Variants in KAZN observed in about 807,000 individuals in gnomAD.
The protein encoded by KAZN is kazrin, periplakin interacting protein.
KAZN carries 40 observed loss-of-function variants against 87.4 expected under a neutral mutation model. The observed-to-expected ratio is 0.46, with a 90% confidence interval of 0.36 to 0.60. The LOEUF (loss-of-function observed/expected upper bound fraction) is 0.60. Among genes scored for constraint, KAZN ranks in the 20% least tolerant of loss-of-function variants. KAZN has a pLI of 0.00. For synonymous variants in KAZN, 466 were observed against 458.3 expected, an observed-to-expected ratio of 1.02 and a Z score of -0.22; for missense variants, 898 against 1,073.9, an observed-to-expected ratio of 0.84 and a Z score of 2.29.
At chr1:14,859,961 C>T (rs1354044392) in intron 1 of KAZN, among the ~76,000 whole-genome samples, 1 of 152,168 alleles carries the variant, frequency 6.6e-6, no homozygotes, top group Non-Finnish European at 1.5e-5. Flanking sequence ...CCAGACAGGG[C>T]TGCTGCTGCT....
intron 2 of KAZN, among the ~76,000 whole-genome samples, chr1:14,188,436 T>C (rs947147171): frequency 1.3e-5 from 2 of 152,128 alleles, no homozygotes; most frequent in Non-Finnish European, 2.9e-5. Flanking sequence ...GAGGATCCTT[T>C]AATCCTTTGC....
intron 1 of KAZN, among the ~76,000 whole-genome samples, chr1:14,960,419 ACT>A (rs987283711): frequency 2.6e-5 from 4 of 152,108 alleles, no homozygotes; most frequent in African/African-American, 9.7e-5. Context: ...CAGAGCGGAC[ACT>A]CTGAGTGCAG....
chr1:14,241,807 A>C (rs1170481885), intron 2 of KAZN, among the ~76,000 whole-genome samples: 1 of 152,246 alleles, frequency 6.6e-6, no homozygotes, highest in Non-Finnish European at 1.5e-5. Context: ...GTGTCAGAAA[A>C]TAAAAGAAGT....
chr1:14,213,371 A>C (rs185119191), intron 2 of KAZN, among the ~76,000 whole-genome samples: 1 of 152,208 alleles, frequency 6.6e-6, no homozygotes, highest in Non-Finnish European at 1.5e-5. Context: ...ATATGATGGA[A>C]TATGCCACTG....
chr1:14,205,192 A>G (rs557405708), intron 2 of KAZN, among the ~76,000 whole-genome samples: 19 of 152,178 alleles, frequency 1.2e-4, no homozygotes, highest in Non-Finnish European at 2.8e-4. Context: ...AAGTCTCATG[A>G]CTGTAATAAG....
At chr1:14,924,081 C>T (rs1385432314) in intron 1 of KAZN, 2 of 959,922 alleles carry the variant, frequency 2.1e-6, no homozygotes, top group Non-Finnish European at 2.5e-6. Context: ...GGGCGAGCCT[C>T]GGCAGTCGCC....
intron 1 of KAZN, among the ~76,000 whole-genome samples, chr1:14,806,867 T>C (rs146230942): frequency 2.0e-5 from 3 of 152,296 alleles, no homozygotes; most frequent in Non-Finnish European, 4.4e-5. Flanking sequence ...TGCAGGAGCA[T>C]GTGGAATATA....
At chr1:14,369,165 A>G (rs2101008510) in intron 2 of KAZN, among the ~76,000 whole-genome samples, 1 of 152,338 alleles carries the variant, frequency 6.6e-6, no homozygotes, top group African/African-American at 2.4e-5. Context: ...TAAATGCAAA[A>G]TAAGAGATCC....
At chr1:14,565,298 C>T (rs936535663) in intron 2 of KAZN, among the ~76,000 whole-genome samples, 2 of 152,140 alleles carry the variant, frequency 1.3e-5, no homozygotes, top group African/African-American at 4.8e-5. Flanking sequence ...GTTTGTTTCC[C>T]AGTGCATATA....
intron 2 of KAZN, among the ~76,000 whole-genome samples, chr1:14,994,831 A>G (rs1010310473): frequency 6.6e-6 from 1 of 152,246 alleles, no homozygotes; most frequent in African/African-American, 2.4e-5. Context: ...TAAGAGGAAC[A>G]TGAGGATTGA....
Position 15,081,261 on chromosome 1 carries a change from C to T in KAZN, c.1223-12919C>T, listed in dbSNP as rs1639991679. Among the ~76,000 whole-genome samples, 1 of 152,202 alleles carries T rather than the reference C, an allele frequency of 6.6e-6. No individual in the cohort carries two copies. Among genetic ancestry groups the T allele is most frequent in the African/African-American group, 2.4e-5 (1 of 41,448 alleles). ...ACGGATGGCTCTCTTCCCAACTCCACGTCCAGTGACAGCCTGCCGGTCACT... is the reference window on the plus strand; with the variant it reads ...ACGGATGGCTCTCTTCCCAACTCCATGTCCAGTGACAGCCTGCCGGTCACT... On this transcript the variant is annotated intron_variant, in intron 8 of 14. Transcript: ENST00000376030. This position sits in a 1 kb window ranked among gnomAD's most constrained non-coding sequence, Gnocchi z 4.1.
At chr1:13,916,244 G>T (rs1012340137) in intron 1 of KAZN, among the ~76,000 whole-genome samples, 3 of 152,292 alleles carry the variant, frequency 2.0e-5, no homozygotes, top group African/African-American at 7.2e-5. Context: ...AAGGGTGAGG[G>T]ATATCTCCCC....
chr1:14,166,933 A>G (rs1260478810), intron 1 of KAZN, among the ~76,000 whole-genome samples: 1 of 152,224 alleles, frequency 6.6e-6, no homozygotes, highest in Non-Finnish European at 1.5e-5. Context: ...TCAGTAAGGA[A>G]GTGAAGAATA....
intron 2 of KAZN, among the ~76,000 whole-genome samples, chr1:15,010,586 G>T (rs1032800720): frequency 2.0e-5 from 3 of 152,124 alleles, no homozygotes; most frequent in South Asian, 4.2e-4. Flanking sequence ...TAGAGACGGG[G>T]TTTCACCATG....
intron 1 of KAZN, among the ~76,000 whole-genome samples, chr1:14,160,592 G>A (rs1289681880): frequency 6.6e-6 from 1 of 152,168 alleles, no homozygotes; most frequent in East Asian, 1.9e-4. Context: ...CTCTTATGAA[G>A]GTGCTTTTTT....
intron 2 of KAZN, among the ~76,000 whole-genome samples, chr1:14,280,411 T>C (rs545213362): frequency 1.9e-4 from 28 of 146,216 alleles, no homozygotes; most frequent in Admixed American, 4.8e-4. Context: ...CGAGGTTGCA[T>C]TGGAGTCGGT....
At chr1:14,133,877 A>C (rs1473518574) in intron 1 of KAZN, among the ~76,000 whole-genome samples, 1 of 152,236 alleles carries the variant, frequency 6.6e-6, no homozygotes, top group African/African-American at 2.4e-5. Context: ...TGAGATGACC[A>C]GAAACCAGAT....
chr1:14,787,933 C>G (rs577642341), intron 1 of KAZN, among the ~76,000 whole-genome samples: 9 of 152,316 alleles, frequency 5.9e-5, no homozygotes, highest in African/African-American at 2.2e-4. Context: ...ATCAGTCAGA[C>G]TTAGGACCAT....
chr1:14,705,528 C>T (rs1462879932), intron 1 of KAZN, among the ~76,000 whole-genome samples: 5 of 152,168 alleles, frequency 3.3e-5, no homozygotes, highest in African/African-American at 4.8e-5. Flanking sequence ...TGGAATCAAC[C>T]TAGGTGTTCA....
Sources: allele counts gnomAD v4.1 joint callset (sites outside exome capture counted in the v4.1 genomes callset), GRCh38; gene constraint gnomAD v4.1.1; non-coding constraint Gnocchi (gnomAD v3.1); transcripts MANE v1.5; gene names NCBI Gene and HGNC (gene_info 2026-07-23, HGNC 2026-07-21).